FSTL5: variants seen among roughly 807,000 people sequenced by gnomAD.
FSTL5 encodes follistatin like 5, also known as follistatin-related protein 5.
FSTL5 carries 62 observed loss-of-function variants against 89.1 expected under a neutral mutation model. That is an observed-to-expected ratio of 0.70 (90% CI 0.57 to 0.86). The LOEUF is 0.86. Among genes scored for constraint, FSTL5 ranks in the 40% least tolerant of loss-of-function variants. The probability of loss-of-function intolerance (pLI) is 0.00; values close to 1 mark genes in which losing one functional copy is unlikely to be tolerated. For synonymous variants in FSTL5, 383 were observed against 346.2 expected (o/e 1.11, Z -1.18); for missense variants, 1,057 against 1,001.6 (o/e 1.06, Z -0.75).
chr4:161,408,306 C>T (rs1731461574), intron 15 of FSTL5, among the ~76,000 whole-genome samples: 1 of 152,178 alleles, frequency 6.6e-6, no homozygotes, highest in Non-Finnish European at 1.5e-5. Context: ...TAAACTTCAA[C>T]ACCAAAAATC....
At chr4:162,158,384 A>T (rs1387058771) in intron 1 of FSTL5, among the ~76,000 whole-genome samples, 2 of 152,228 alleles carry the variant, frequency 1.3e-5, no homozygotes, top group African/African-American at 4.8e-5. Flanking sequence ...AAACCCCTTA[A>T]GGTCTTTGGT....
intron 6 of FSTL5, among the ~76,000 whole-genome samples, chr4:161,667,457 AACATTCTAAGT>A (rs1391220559): frequency 5.9e-5 from 9 of 152,116 alleles, no homozygotes; most frequent in Admixed American, 5.2e-4. Flanking sequence ...GAATGACTTT[AACATTCTAAGT>A]ACATTCTAAG....
chr4:161,976,937 G>C (rs6827762), intron 3 of FSTL5, among the ~76,000 whole-genome samples: 152,066 of 152,342 alleles, frequency 1, 75,896 homozygotes, highest in Non-Finnish European at 1. Flanking sequence ...AACCAATTTT[G>C]TTTGGAACTG....
chr4:162,025,604 T>G, intron 3 of FSTL5, among the ~76,000 whole-genome samples: 1 of 152,074 alleles, frequency 6.6e-6, no homozygotes, highest in East Asian at 1.9e-4. Context: ...AATGATTCCA[T>G]GCACCAATAA....
chr4:161,602,548 T>C (rs1281060469), intron 7 of FSTL5, among the ~76,000 whole-genome samples: 1 of 152,146 alleles, frequency 6.6e-6, no homozygotes, highest in Non-Finnish European at 1.5e-5. Context: ...AATTCTTAAA[T>C]TCTTAAAGAA....
chr4:161,718,331 A>G (rs551697064), intron 6 of FSTL5, among the ~76,000 whole-genome samples: 3 of 152,190 alleles, frequency 2.0e-5, no homozygotes, highest in Non-Finnish European at 4.4e-5. Context: ...ATCTTGGGGC[A>G]ATTTGGAAGA....
intron 8 of FSTL5, among the ~76,000 whole-genome samples, chr4:161,585,662 A>G (rs1431454992): frequency 6.6e-6 from 1 of 152,084 alleles, no homozygotes; most frequent in Non-Finnish European, 1.5e-5. Context: ...TTACCACAAA[A>G]TAGAAGGTGA....
chr4:162,102,403 A>G (rs1731030439), intron 2 of FSTL5, among the ~76,000 whole-genome samples: 1 of 151,424 alleles, frequency 6.6e-6, no homozygotes, highest in Admixed American at 6.6e-5. Flanking sequence ...GTAGGCAAAT[A>G]AAGTCAAACG....
At chr4:161,464,027 A>G (rs1323012736) in intron 13 of FSTL5, among the ~76,000 whole-genome samples, 1 of 152,118 alleles carries the variant, frequency 6.6e-6, no homozygotes, top group Admixed American at 6.6e-5. Context: ...CAGGCAAGTC[A>G]TGACAGTAAT....
In FSTL5 at chr4:161,388,579, T is replaced by G. The variant is rs187489293; in HGVS notation, c.1842-2130A>C. Among the ~76,000 whole-genome samples the G allele has an allele frequency of 1.6e-3, 251 of 152,232 alleles. 4 individuals carry two copies. Among genetic ancestry groups the G allele is most frequent in the Non-Finnish European group, 4.4e-4 (30 of 67,968 alleles). On this transcript the variant is annotated intron_variant, in intron 15 of 15. Transcript: ENST00000306100. ...TAAACAAACATATAACATTTTTCTA[T>G]TAATGGACAACCATTAAGGATGTAT...
intron 13 of FSTL5, among the ~76,000 whole-genome samples, chr4:161,477,340 TA>T (rs1277172278): frequency 1.7e-4 from 25 of 150,796 alleles, no homozygotes; most frequent in Admixed American, 1.5e-3. Flanking sequence ...AAAGTATATA[TA>T]TTTTTTTCCA....
At chr4:161,501,554 A>C (rs1439275440) in intron 11 of FSTL5, among the ~76,000 whole-genome samples, 2 of 151,928 alleles carry the variant, frequency 1.3e-5, no homozygotes, top group Non-Finnish European at 2.9e-5. Context: ...ATACACTTTA[A>C]ATTACTCCAG....
At chr4:161,476,462 C>T (rs917963723) in intron 13 of FSTL5, among the ~76,000 whole-genome samples, 4 of 152,234 alleles carry the variant, frequency 2.6e-5, no homozygotes, top group African/African-American at 9.6e-5. Flanking sequence ...GTTAGGATTA[C>T]AGGCGTGAGC....
intron 3 of FSTL5, among the ~76,000 whole-genome samples, chr4:162,028,440 G>A (rs1259956535): frequency 6.6e-6 from 1 of 152,084 alleles, no homozygotes; most frequent in Non-Finnish European, 1.5e-5. Flanking sequence ...AGCCAGGGGT[G>A]CTGGCACGCA....
At chr4:161,765,220 T>A (rs1228356052) in intron 5 of FSTL5, among the ~76,000 whole-genome samples, 3 of 152,204 alleles carry the variant, frequency 2.0e-5, no homozygotes, top group Non-Finnish European at 2.9e-5. Context: ...CTCTAAGGGA[T>A]GATCTGGACA....
At chr4:161,704,635 A>G (rs1191178512) in intron 6 of FSTL5, among the ~76,000 whole-genome samples, 1 of 152,090 alleles carries the variant, frequency 6.6e-6, no homozygotes, top group Non-Finnish European at 1.5e-5. Flanking sequence ...TCACTGGCAA[A>G]GTAGCACACA....
At chr4:161,431,498 A>G (rs75757663) in intron 15 of FSTL5, among the ~76,000 whole-genome samples, 4,514 of 152,046 alleles carry the variant, frequency 0.03, 217 homozygotes, top group African/African-American at 0.1. Flanking sequence ...ATGAAAACAT[A>G]CTACCAGAAA....
chr4:161,960,603 T>C (rs1735150131), intron 3 of FSTL5, among the ~76,000 whole-genome samples: 1 of 152,112 alleles, frequency 6.6e-6, no homozygotes, highest in African/African-American at 2.4e-5. Flanking sequence ...ATTTATATTA[T>C]ATAACTGGCT....
At chr4:161,843,816 G>GT (rs1560877129) in intron 4 of FSTL5, among the ~76,000 whole-genome samples, 1 of 151,966 alleles carries the variant, frequency 6.6e-6, no homozygotes, top group East Asian at 1.9e-4. Flanking sequence ...AGACTTAAAC[G>GT]TAAGTCCTAA....
Sources: allele counts gnomAD v4.1 joint callset (sites outside exome capture counted in the v4.1 genomes callset), GRCh38; gene constraint gnomAD v4.1.1; transcripts MANE v1.5; gene names NCBI Gene and HGNC (gene_info 2026-07-23, HGNC 2026-07-21).